The following PLEKHM3 variants were observed in gnomAD, a reference collection of about 807,000 sequenced individuals.
The protein encoded by PLEKHM3 is pleckstrin homology domain containing M3, also known as pleckstrin homology domain-containing family M member 3.
Under a neutral mutation model 81.8 loss-of-function variants are expected in PLEKHM3, and 45 were observed. That is an observed-to-expected ratio of 0.55 (90% CI 0.43 to 0.71). PLEKHM3 has a LOEUF of 0.71. Among genes scored for constraint, PLEKHM3 ranks in the 30% least tolerant of loss-of-function variants. The pLI, the probability that PLEKHM3 is intolerant of heterozygous loss-of-function variation, is 0.00. For synonymous variants in PLEKHM3, 352 were observed against 356.4 expected, an observed-to-expected ratio of 0.99 and a Z score of 0.14; for missense variants, 788 against 924.3, an observed-to-expected ratio of 0.85 and a Z score of 1.91.
At chr2:207,875,551 A>T (rs1226641305) in intron 6 of PLEKHM3, among the ~76,000 whole-genome samples, 1 of 152,238 alleles carries the variant, frequency 6.6e-6, no homozygotes, top group Non-Finnish European at 1.5e-5. Flanking sequence ...GTCTTACTTT[A>T]ATGAATTTAC....
chr2:207,863,914 AAT>A (rs1553545773), intron 6 of PLEKHM3, among the ~76,000 whole-genome samples: 1 of 150,208 alleles, frequency 6.7e-6, no homozygotes. Context: ...AAGCAAAAAA[AAT>A]ATATATATAT....
chr2:207,929,575 C>T (rs1348211038), intron 5 of PLEKHM3, among the ~76,000 whole-genome samples: 2 of 152,262 alleles, frequency 1.3e-5, no homozygotes, highest in South Asian at 2.1e-4. Context: ...ACATATAATT[C>T]TATTGCCTTC....
intron 6 of PLEKHM3, among the ~76,000 whole-genome samples, chr2:207,865,079 C>G (rs553085996): frequency 6.6e-6 from 1 of 152,142 alleles, no homozygotes; most frequent in South Asian, 2.1e-4. Flanking sequence ...TATTATATCT[C>G]TTGTTTATGT....
intron 2 of PLEKHM3, 150 bp from the exon 3 acceptor site, chr2:207,977,736 T>C (rs1192395661): frequency 1.4e-6 from 1 of 693,608 alleles, no homozygotes; most frequent in Non-Finnish European, 2.3e-6. Flanking sequence ...AGTAGTAGAA[T>C]CCCACGATGG....
intron 1 of PLEKHM3, among the ~76,000 whole-genome samples, chr2:208,009,585 T>C (rs1692618412): frequency 6.6e-6 from 1 of 152,206 alleles, no homozygotes; most frequent in Non-Finnish European, 1.5e-5. Context: ...ATTTTACGAA[T>C]GAGGAAGCTC....
rs2092256034 is a variant in PLEKHM3 at position 207,827,181 on chromosome 2, T to G, written c.*1138A>C. ...TTTCTTAATAGTCCAAAGTTGGTAT[T>G]TTGAAGTTCCACATTACTCTGATTT... On this transcript the variant is annotated 3_prime_UTR_variant, in exon 8 of 8. Coordinates refer to ENST00000427836, the MANE Select transcript of PLEKHM3 (RefSeq NM_001080475.3). The G allele has an allele frequency of 6.6e-6, 1 of 152,150 alleles. No homozygotes were observed. 9.4% of individuals were successfully genotyped at this position (152,150 alleles called of 1,614,324 possible).
Position 208,001,486 on chromosome 2 carries a change from T to C in PLEKHM3, c.154A>G (p.Ser52Gly). 2 of 1,614,230 alleles carry C rather than the reference T, an allele frequency of 1.2e-6. No homozygotes were observed. The highest frequency in any genetic ancestry group is 2.2e-5 in the South Asian group (2 of 91,088). ...ATAGCACCATTGTCTGTTATGTTAC[T>C]GAGTACCTCATGCCCCACCAGTTCA... ...VPELVGHEVL[S>G]NITDNGAMRN... is the part of the protein sequence containing the mutation. The change falls in exon 2 of 8, where the codon AGT becomes GGT. Residue 52 changes from serine to glycine, a missense_variant. Transcript: ENST00000427836.
chr2:207,828,306 G>C lies in PLEKHM3; in HGVS notation c.*13C>G, dbSNP rs370203453. The stretch of plus-strand genomic sequence containing the variant: ...GTTGATTGGTGAATCCCTGGCCTTC[G>C]GGTCGGCTGGAGTCAGGTGTTCTGG... On this transcript the variant is annotated 3_prime_UTR_variant, in exon 8 of 8. Coordinates refer to ENST00000427836, the MANE Select transcript of PLEKHM3 (RefSeq NM_001080475.3). 3 of 1,600,606 alleles carry C rather than the reference G, an allele frequency of 1.9e-6. No individual in the cohort carries two copies. Among genetic ancestry groups the C allele is most frequent in the Admixed American group, 1.7e-5 (1 of 58,944 alleles).
chr2:207,991,602 G>A (rs2106069933), intron 2 of PLEKHM3, among the ~76,000 whole-genome samples: 1 of 85,620 alleles, frequency 1.2e-5, no homozygotes, highest in Non-Finnish European at 3.2e-5. Flanking sequence ...GGGAGCCTCT[G>A]GAAAAAAAGA....
At chr2:207,846,712 G>C (rs2092385117) in intron 7 of PLEKHM3, among the ~76,000 whole-genome samples, 1 of 150,744 alleles carries the variant, frequency 6.6e-6, no homozygotes, top group African/African-American at 2.4e-5. Context: ...GACAGAGCCA[G>C]ATCCTGTCTC....
Position 207,865,802 on chromosome 2 carries a change from AGATATATATATATAT to A in PLEKHM3, c.1951-4555_1951-4541del, listed in dbSNP as rs1387925230. Reference sequence around the variant, plus strand: ...GACTCAAAAAAAAAAAAAAAAAAAAAGATATATATATATATATATATATATATATATATATACTTT... The same window carrying A: ...GACTCAAAAAAAAAAAAAAAAAAAAAATATATATATATATATATATACTTT... On this transcript the variant is annotated intron_variant, in intron 6 of 7. Transcript: ENST00000427836. Among the ~76,000 whole-genome samples, 31 of 40,940 alleles carry A rather than the reference AGATATATATATATAT, an allele frequency of 7.6e-4. 2 individuals are homozygous for A. The highest frequency in any genetic ancestry group is 4.2e-3 in the African/African-American group (25 of 5,994). The allele number at this position is 40,940 out of a possible 152,430, so 26.9% of individuals were successfully genotyped here.
intron 6 of PLEKHM3, among the ~76,000 whole-genome samples, chr2:207,896,910 A>G (rs985520920): frequency 2.6e-5 from 4 of 152,258 alleles, no homozygotes; most frequent in Admixed American, 2.6e-4. Context: ...ATTTACAGAA[A>G]GACTGCTTTT....
intron 5 of PLEKHM3, among the ~76,000 whole-genome samples, chr2:207,926,898 G>A (rs1350764924): frequency 6.6e-6 from 1 of 152,158 alleles, no homozygotes; most frequent in Non-Finnish European, 1.5e-5. Flanking sequence ...CCTGGCGGTC[G>A]AGCGCTAATA....
chr2:207,879,279 G>A (rs983336890), intron 6 of PLEKHM3, among the ~76,000 whole-genome samples: 29 of 152,124 alleles, frequency 1.9e-4, no homozygotes, highest in Middle Eastern at 3.4e-3. Context: ...TCCTCTATGC[G>A]AATTCCTCTC....
chr2:208,007,522 C>T (rs1297344266), intron 1 of PLEKHM3, among the ~76,000 whole-genome samples: 1 of 152,194 alleles, frequency 6.6e-6, no homozygotes, highest in Admixed American at 6.5e-5. Flanking sequence ...CAGATGGAAT[C>T]CCATTTTCAT....
In PLEKHM3 at chr2:207,947,435, G is replaced by A. The variant is rs529678987; in HGVS notation, c.1547-923C>T. Among the ~76,000 whole-genome samples, 257 of 152,244 alleles carry A rather than the reference G, an allele frequency of 1.7e-3. 2 individuals are homozygous for A. The highest frequency in any genetic ancestry group is 5.9e-3 in the African/African-American group (246 of 41,560). ...TAGCCCTTCCATAGGGAAGCCATTC[G>A]TTTTCTTTAGATAGGAAGAACTACC... On this transcript the variant is annotated intron_variant, in intron 3 of 7. Transcript: ENST00000427836.
chr2:207,970,661 T>G (rs944560328), intron 3 of PLEKHM3, among the ~76,000 whole-genome samples: 4 of 152,182 alleles, frequency 2.6e-5, no homozygotes, highest in Admixed American at 2.6e-4. Context: ...TTTCTGGCAC[T>G]AATTTGTCAG....
intron 6 of PLEKHM3, among the ~76,000 whole-genome samples, chr2:207,863,918 T>TAC (rs1481311128): frequency 1.3e-5 from 2 of 151,054 alleles, no homozygotes; most frequent in Non-Finnish European, 3.0e-5. Context: ...AAAAAAAATA[T>TAC]ATATATATAT....
chr2:207,982,259 C>A (rs895769063), intron 2 of PLEKHM3, among the ~76,000 whole-genome samples: 1 of 130,864 alleles, frequency 7.6e-6, no homozygotes, highest in Non-Finnish European at 1.6e-5. Context: ...CCCCCTCCCT[C>A]GCTCCCTCCT....
Sources: gnomAD v4.1 joint callset for allele counts (sites outside exome capture counted in the v4.1 genomes callset) on GRCh38, gnomAD v4.1.1 for gene constraint, MANE v1.5 for transcripts, NCBI Gene and HGNC (gene_info 2026-07-23, HGNC 2026-07-21) for gene names.